MORC1: variants seen among roughly 807,000 people sequenced by gnomAD.
The protein encoded by MORC1 is MORC family CW-type zinc finger 1.
MORC1 carries 59 observed loss-of-function variants against 134.9 expected under a neutral mutation model. The observed-to-expected ratio is 0.44, with a 90% confidence interval of 0.35 to 0.54. The LOEUF (loss-of-function observed/expected upper bound fraction) is 0.54. Among genes scored for constraint, MORC1 ranks in the 20% least tolerant of loss-of-function variants. The probability of loss-of-function intolerance (pLI) is 0.00; values close to 1 mark genes in which losing one functional copy is unlikely to be tolerated. For missense variants in MORC1, 947 were observed against 1,134.5 expected, an observed-to-expected ratio of 0.83 and a Z score of 2.37; for synonymous variants, 395 against 391.7, an observed-to-expected ratio of 1.01 and a Z score of -0.10.
chr3:108,959,246 T>A (rs1420768760), intron 27 of MORC1, 126 bp from the exon 28 acceptor site: 13 of 719,060 alleles, frequency 1.8e-5, no homozygotes, highest in Non-Finnish European at 2.1e-5. Context: ...TACATTTGAA[T>A]CATGCTTTTA....
At chr3:109,004,463 A>G (rs1358016080) in intron 20 of MORC1, among the ~76,000 whole-genome samples, 2 of 152,180 alleles carry the variant, frequency 1.3e-5, no homozygotes, top group African/African-American at 4.8e-5. Flanking sequence ...TGCCCATTCA[A>G]TTGTAGGCAT....
At chr3:109,040,572 G>A (rs1165290121) in intron 14 of MORC1, among the ~76,000 whole-genome samples, 1 of 152,064 alleles carries the variant, frequency 6.6e-6, no homozygotes, top group African/African-American at 2.4e-5. Context: ...GCTCATGCCT[G>A]TAATCCCAGC....
At position 108,959,121 on chromosome 3, in the gene MORC1, CT is replaced by C. The variant is rs754833249; in HGVS notation, c.2800-2del. On this transcript the variant is annotated splice_acceptor_variant, in intron 27 of 27. Transcript: ENST00000232603. LOFTEE classifies it high-confidence loss of function. ...GCTCCAGGTCACCTTCTGGACCACC[CT>C]GGAAAAGAGAAGCAACAGTCACACC... The C allele has an allele frequency of 6.4e-7, 1 of 1,571,938 alleles. No individual in the cohort carries two copies. The highest frequency in any genetic ancestry group is 2.4e-5 in the East Asian group (1 of 42,006).
chr3:108,987,036 C>T, intron 21 of MORC1, 87 bp from the exon 22 acceptor site: 1 of 965,986 alleles, frequency 1.0e-6, no homozygotes, highest in East Asian at 2.7e-5. Context: ...GCAGTGTCCC[C>T]AGCAGAAAAG....
chr3:108,996,207 T>G (rs971631642), intron 21 of MORC1, among the ~76,000 whole-genome samples: 1 of 152,176 alleles, frequency 6.6e-6, no homozygotes, highest in East Asian at 1.9e-4. Context: ...AATTTCATCA[T>G]GGCCACACAG....
At chr3:109,020,746 C>G (rs898704670) in intron 17 of MORC1, among the ~76,000 whole-genome samples, 1 of 113,798 alleles carries the variant, frequency 8.8e-6, no homozygotes, top group Non-Finnish European at 1.8e-5. Flanking sequence ...GCCTGGGCGA[C>G]ACAGTGAGAC....
At chr3:109,028,241 C>CG (rs1395921370) in intron 16 of MORC1, among the ~76,000 whole-genome samples, 2 of 146,940 alleles carry the variant, frequency 1.4e-5, no homozygotes, top group Non-Finnish European at 2.9e-5. Flanking sequence ...ATTTCCCCCC[C>CG]CAAAAAAGGT....
chr3:108,988,272 A>G (rs993480986), intron 21 of MORC1, among the ~76,000 whole-genome samples: 1 of 152,200 alleles, frequency 6.6e-6, no homozygotes, highest in Non-Finnish European at 1.5e-5. Context: ...CTAAATCAAG[A>G]GCAAGAAAAG....
At chr3:109,115,356 CACAG>C (rs1298303514) in intron 1 of MORC1, among the ~76,000 whole-genome samples, 332 of 112,494 alleles carry the variant, frequency 3.0e-3, no homozygotes, top group African/African-American at 9.3e-3. Flanking sequence ...CACACACACA[CACAG>C]AGAGAGAGAA....
At chr3:108,990,191 A>G (rs1559875728) in intron 21 of MORC1, among the ~76,000 whole-genome samples, 1 of 152,144 alleles carries the variant, frequency 6.6e-6, no homozygotes, top group Non-Finnish European at 1.5e-5. Context: ...CAGTATGAAA[A>G]TGGACTAATA....
intron 23 of MORC1, among the ~76,000 whole-genome samples, chr3:108,983,103 C>T (rs773507875): frequency 2.6e-5 from 4 of 151,722 alleles, no homozygotes; most frequent in Non-Finnish European, 5.9e-5. Context: ...CCTGCATACA[C>T]ACAAATGTGT....
At chr3:109,041,243 A>G (rs1181681286) in intron 14 of MORC1, among the ~76,000 whole-genome samples, 1 of 151,986 alleles carries the variant, frequency 6.6e-6, no homozygotes, top group Non-Finnish European at 1.5e-5. Flanking sequence ...TCTGGGAGGC[A>G]GAGCTTGCAG....
At chr3:109,003,117 A>T (rs1009053306) in intron 20 of MORC1, among the ~76,000 whole-genome samples, 1 of 152,144 alleles carries the variant, frequency 6.6e-6, no homozygotes, top group Non-Finnish European at 1.5e-5. Flanking sequence ...AAACTGCCAT[A>T]GTAGCAGTTG....
intron 24 of MORC1, among the ~76,000 whole-genome samples, chr3:108,977,956 C>A (rs1947608339): frequency 6.6e-6 from 1 of 152,154 alleles, no homozygotes; most frequent in African/African-American, 2.4e-5. Flanking sequence ...CAGCTCACTG[C>A]AAGCTCCGCC....
chr3:109,010,016 A>G lies in MORC1; in HGVS notation c.1705-2925T>C, dbSNP rs545102421. 1.1e-4 allele frequency among the ~76,000 whole-genome samples: 17 copies of G among 151,954 alleles called. No homozygotes were observed. The South Asian group carries it at 3.5e-3, about 32-fold the overall frequency. On this transcript the variant is annotated intron_variant, in intron 17 of 27. Transcript: ENST00000232603. ...ATTCTTTCCTAATTTCTATTATTTT[A>G]TTTGCTTTTTACTTTTATCTTCTAT...
At chr3:109,100,555 C>T in intron 4 of MORC1, 48 bp from the exon 5 acceptor site, 1 of 1,418,772 alleles carries the variant, frequency 7.0e-7, no homozygotes, top group Admixed American at 1.7e-5. Flanking sequence ...CTCTTTGACA[C>T]TGGCCTGAGG....
chr3:109,110,868 T>C, intron 2 of MORC1, 85 bp from the exon 3 acceptor site: 1 of 1,023,062 alleles, frequency 9.8e-7, no homozygotes, highest in Non-Finnish European at 1.4e-6. Flanking sequence ...TATCAAACAA[T>C]ACAAAAATCC....
At chr3:109,034,420 T>C (rs1175117497) in intron 15 of MORC1, among the ~76,000 whole-genome samples, 1 of 152,204 alleles carries the variant, frequency 6.6e-6, no homozygotes, top group Non-Finnish European at 1.5e-5. Context: ...CTAGAAAACA[T>C]ATCAGTAAGT....
chr3:108,969,574 T>C, intron 26 of MORC1, 95 bp downstream of exon 26: 1 of 1,278,474 alleles, frequency 7.8e-7, no homozygotes, highest in South Asian at 1.2e-5. Flanking sequence ...AAATTTGATT[T>C]CCTTTCAAAC....
Sources: gnomAD v4.1 joint callset for allele counts (sites outside exome capture counted in the v4.1 genomes callset) on GRCh38, gnomAD v4.1.1 for gene constraint, MANE v1.5 for transcripts, NCBI Gene and HGNC (gene_info 2026-07-23, HGNC 2026-07-21) for gene names.